PDZD2: variants seen among roughly 807,000 people sequenced by gnomAD.
PDZD2 encodes PDZ domain containing 2, also known as PDZ domain-containing protein 2.
A neutral mutation model predicts 220.7 loss-of-function variants in PDZD2; 90 were observed. The ratio of observed to expected loss-of-function variants is 0.41; its 90% confidence interval spans 0.34 to 0.49. The LOEUF (loss-of-function observed/expected upper bound fraction) is 0.49. Ranked by LOEUF, PDZD2 falls within the 20% of genes least tolerant of loss-of-function variation. PDZD2 has a pLI of 0.28. For synonymous variants in PDZD2, 1,375 were observed against 1,450.5 expected, an observed-to-expected ratio of 0.95 and a Z score of 1.18; for missense variants, 3,174 against 3,608.5, an observed-to-expected ratio of 0.88 and a Z score of 3.08.
At chr5:31,926,526 G>GAAAAAAAAAAAAAA (rs71300157) in intron 2 of PDZD2, among the ~76,000 whole-genome samples, 9 of 83,934 alleles carry the variant, frequency 1.1e-4, no homozygotes, top group East Asian at 3.9e-4. Flanking sequence ...AACTGCATCT[G>GAAAAAAAAAAAAAA]AAAAAAAAAA....
intron 4 of PDZD2, among the ~76,000 whole-genome samples, chr5:31,999,848 T>C (rs1751960206): frequency 6.6e-6 from 1 of 152,146 alleles, no homozygotes; most frequent in Non-Finnish European, 1.5e-5. Flanking sequence ...GGTTCCTCTA[T>C]CAACATCTCC....
At chr5:31,879,180 G>A (rs1242935740) in intron 2 of PDZD2, among the ~76,000 whole-genome samples, 1 of 151,834 alleles carries the variant, frequency 6.6e-6, no homozygotes, top group Non-Finnish European at 1.5e-5. Flanking sequence ...GAGGTCAAGA[G>A]ATCGAGACCA....
At chr5:31,833,277 G>A (rs1357588795) in intron 2 of PDZD2, among the ~76,000 whole-genome samples, 2 of 152,104 alleles carry the variant, frequency 1.3e-5, no homozygotes, top group Non-Finnish European at 2.9e-5. Context: ...GAGAAAGCCT[G>A]GGAGACATGG....
intron 6 of PDZD2, among the ~76,000 whole-genome samples, chr5:32,032,339 C>T (rs1210701195): frequency 1.3e-5 from 2 of 152,152 alleles, no homozygotes; most frequent in East Asian, 3.8e-4. Flanking sequence ...TTCCCTAGGC[C>T]ATTCTCAGCC....
chr5:31,790,223 G>A (rs1042664691), intron 1 of PDZD2, among the ~76,000 whole-genome samples: 10 of 151,914 alleles, frequency 6.6e-5, no homozygotes, highest in African/African-American at 2.4e-4. Flanking sequence ...TCAGCCTCCC[G>A]AGTAGCTAGG....
At chr5:31,928,539 G>T (rs371351677) in intron 2 of PDZD2, among the ~76,000 whole-genome samples, 1 of 151,810 alleles carries the variant, frequency 6.6e-6, no homozygotes, top group South Asian at 2.1e-4. Context: ...GCAATGGCTC[G>T]ATCTTGGCTC....
At chr5:31,727,726 G>A (rs1357553955) in intron 1 of PDZD2, among the ~76,000 whole-genome samples, 1 of 63,456 alleles carries the variant, frequency 1.6e-5, no homozygotes, top group African/African-American at 6.1e-5. Context: ...AAGAAAGGCC[G>A]GGCGCGGTGG....
intron 1 of PDZD2, among the ~76,000 whole-genome samples, chr5:31,697,075 A>G (rs1747410709): frequency 6.6e-6 from 1 of 152,216 alleles, no homozygotes; most frequent in African/African-American, 2.4e-5. Context: ...CAGCCTGAGA[A>G]AGGCCAGAGA....
chr5:32,001,688 G>A (rs1581246670), intron 5 of PDZD2, among the ~76,000 whole-genome samples: 1 of 152,232 alleles, frequency 6.6e-6, no homozygotes, highest in Non-Finnish European at 1.5e-5. Flanking sequence ...GCACTGGCTA[G>A]TCTGCAGGAC....
At chr5:31,936,113 A>G in intron 2 of PDZD2, 1 of 987,796 alleles carries the variant, frequency 1.0e-6, no homozygotes, top group Non-Finnish European at 1.2e-6. Context: ...TCAGGAGGTG[A>G]AGCCGGGAGG....
At chr5:31,934,607 TAAAAAA>T (rs5867117) in intron 2 of PDZD2, among the ~76,000 whole-genome samples, 2 of 118,048 alleles carry the variant, frequency 1.7e-5, no homozygotes, top group East Asian at 5.1e-4. Flanking sequence ...ACCATCTAAT[TAAAAAA>T]AAAAAAAAAA....
At chr5:31,683,207 T>TAAAAAAAAA (rs35467814) in intron 1 of PDZD2, among the ~76,000 whole-genome samples, 3 of 129,054 alleles carry the variant, frequency 2.3e-5, no homozygotes, top group Non-Finnish European at 4.8e-5. Context: ...ATCAGAATGT[T>TAAAAAAAAA]AAAAAAAAAA....
At position 32,091,051 on chromosome 5, in the gene PDZD2, G is replaced by A; in HGVS notation, c.7603G>A (p.Gly2535Ser). ...PAGGVSCPEKGGNRACPGGSG... is the reference protein window; with the variant it reads ...PAGGVSCPEKSGNRACPGGSG... ...TGGAGGCGTTTCGTGTCCCGAGAAG[G>A]GCGGGAACAGGGCCTGTCCAGGAGG... is the stretch of plus-strand genomic sequence containing the variant. Residue 2535 changes from glycine (G) to serine (S), a missense_variant, in exon 20 of 25, where the codon GGC becomes AGC. By Grantham distance (56) the Gly-to-Ser change is moderately conservative. Around this residue, in one of 4 missense-constraint regions of PDZD2, gnomAD observed 631 missense variants for 789.9 expected, o/e 0.80. Transcript: ENST00000438447. 4 of 1,613,776 alleles carry A rather than the reference G, an allele frequency of 2.5e-6. No individual in the cohort carries two copies. Among genetic ancestry groups the A allele is most frequent in the Non-Finnish European group, 2.5e-6 (3 of 1,179,818 alleles).
intron 1 of PDZD2, among the ~76,000 whole-genome samples, chr5:31,640,623 C>G (rs1388373253): frequency 2.6e-5 from 4 of 152,054 alleles, no homozygotes; most frequent in African/African-American, 7.2e-5. Flanking sequence ...CTTTAGGGGC[C>G]TGGCATCTCT....
intron 2 of PDZD2, among the ~76,000 whole-genome samples, chr5:31,836,119 A>G (rs1756926526): frequency 6.6e-6 from 1 of 152,020 alleles, no homozygotes; most frequent in Non-Finnish European, 1.5e-5. Flanking sequence ...TCTGACTTAG[A>G]TGTTTTGAAA....
At chr5:31,822,271 C>CTTTTTTTT (rs34010630) in intron 2 of PDZD2, among the ~76,000 whole-genome samples, 2 of 100,596 alleles carry the variant, frequency 2.0e-5, no homozygotes, top group Non-Finnish European at 3.8e-5. Context: ...TTCACGCAAT[C>CTTTTTTTT]TTTTTTTTTT....
At chr5:31,811,080 C>T (rs1008926601) in intron 2 of PDZD2, among the ~76,000 whole-genome samples, 2 of 152,148 alleles carry the variant, frequency 1.3e-5, no homozygotes, top group African/African-American at 2.4e-5. Flanking sequence ...CTCCGCCTCC[C>T]GGCTTCAAGC....
intron 1 of PDZD2, among the ~76,000 whole-genome samples, chr5:31,743,099 A>G (rs1750365782): frequency 6.6e-6 from 1 of 151,946 alleles, no homozygotes; most frequent in African/African-American, 2.4e-5. Flanking sequence ...TGCCATACAT[A>G]CATTGATTTT....
At chr5:32,085,789 T>G (rs1742391183) in intron 19 of PDZD2, among the ~76,000 whole-genome samples, 1 of 152,214 alleles carries the variant, frequency 6.6e-6, no homozygotes, top group Non-Finnish European at 1.5e-5. Flanking sequence ...GTCTTTTGTT[T>G]TTTTTACACT....
Sources: allele counts gnomAD v4.1 joint callset (sites outside exome capture counted in the v4.1 genomes callset), GRCh38; gene constraint gnomAD v4.1.1; regional missense constraint gnomAD v4.1.1; transcripts MANE v1.5; gene names NCBI Gene and HGNC (gene_info 2026-07-23, HGNC 2026-07-21).